Variants in SDK1 observed in about 807,000 individuals in gnomAD.
The protein encoded by SDK1 is sidekick cell adhesion molecule 1, also known as protein sidekick-1.
A neutral mutation model predicts 245.5 loss-of-function variants in SDK1; 157 were observed. That is an observed-to-expected ratio of 0.64 (90% CI 0.56 to 0.73). The LOEUF is 0.73. SDK1 is among the 30% of genes least tolerant of loss of function. The pLI is 0.00. For synonymous variants in SDK1, 1,647 were observed against 1,278.5 expected, an observed-to-expected ratio of 1.29 and a Z score of -6.15; for missense variants, 3,583 against 3,002.3, an observed-to-expected ratio of 1.19 and a Z score of -4.52.
At chr7:3,815,666 T>C (rs1250630990) in intron 4 of SDK1, among the ~76,000 whole-genome samples, 1 of 151,800 alleles carries the variant, frequency 6.6e-6, no homozygotes, top group Admixed American at 6.6e-5. Context: ...TTTCTATTGA[T>C]TGGAATAGTT....
intron 4 of SDK1, among the ~76,000 whole-genome samples, chr7:3,718,381 C>A (rs1324741588): frequency 1.3e-5 from 2 of 151,582 alleles, no homozygotes; most frequent in African/African-American, 4.9e-5. Context: ...GTGCCAGGTG[C>A]CTGTAGTTCC....
intron 1 of SDK1, among the ~76,000 whole-genome samples, chr7:3,618,541 C>T (rs1400260032): frequency 4.6e-5 from 7 of 152,178 alleles, no homozygotes; most frequent in Non-Finnish European, 8.8e-5. Flanking sequence ...TGTGAATATA[C>T]CATGAGTTTC....
chr7:3,757,717 C>T (rs1242561697), intron 4 of SDK1, among the ~76,000 whole-genome samples: 2 of 152,172 alleles, frequency 1.3e-5, no homozygotes, highest in African/African-American at 4.8e-5. Flanking sequence ...GAGGCTCTTC[C>T]AACCCCATTG....
intron 5 of SDK1, among the ~76,000 whole-genome samples, chr7:3,825,414 A>T (rs1779747691): frequency 6.6e-6 from 1 of 152,032 alleles, no homozygotes; most frequent in Non-Finnish European, 1.5e-5. Flanking sequence ...CATGCCTTAG[A>T]CATACCATCA....
chr7:4,080,479 A>C (rs1231332967), intron 22 of SDK1, among the ~76,000 whole-genome samples: 1 of 152,204 alleles, frequency 6.6e-6, no homozygotes, highest in African/African-American at 2.4e-5. Context: ...TACTTATGCT[A>C]TACTGCAAGA....
intron 5 of SDK1, among the ~76,000 whole-genome samples, chr7:3,947,351 C>T (rs1250526055): frequency 6.6e-6 from 1 of 152,168 alleles, no homozygotes; most frequent in Non-Finnish European, 1.5e-5. Flanking sequence ...ACAATTACAT[C>T]TGGCATTTTA....
At chr7:4,118,606 T>TGGCTCACTGCAACCTCTGCCTC (rs1554347672) in intron 25 of SDK1, among the ~76,000 whole-genome samples, 4 of 150,650 alleles carry the variant, frequency 2.7e-5, no homozygotes, top group South Asian at 2.1e-4. Flanking sequence ...AAAACATATG[T>TGGCTCACTGCAACCTCTGCCTC]CTACACAAAA....
chr7:3,803,978 A>T lies in SDK1; in HGVS notation c.714-17472A>T, dbSNP rs537986913. On this transcript the variant is annotated intron_variant, in intron 4 of 44. Transcript: ENST00000404826. ...ACGGGGTTTCACCATGTTAGCCAGGATGGTCTCGATCTCCTGACCTCGTGA... is the reference window on the plus strand; with the variant it reads ...ACGGGGTTTCACCATGTTAGCCAGGTTGGTCTCGATCTCCTGACCTCGTGA... 3.3e-5 allele frequency among the ~76,000 whole-genome samples: 5 copies of T among 152,050 alleles called. No individual in the cohort carries two copies. The East Asian group carries it at 9.7e-4, about 30-fold the overall frequency.
intron 5 of SDK1, among the ~76,000 whole-genome samples, chr7:3,824,313 T>C (rs139072487): frequency 6.6e-6 from 1 of 152,334 alleles, no homozygotes; most frequent in African/African-American, 2.4e-5. Flanking sequence ...TTGTAAAAAC[T>C]TTCTGGCCAG....
chr7:3,625,410 C>T (rs573378722), intron 2 of SDK1, among the ~76,000 whole-genome samples: 8 of 152,170 alleles, frequency 5.3e-5, no homozygotes, highest in Admixed American at 3.3e-4. Flanking sequence ...AGTTCTGTCT[C>T]TAATAACTTG....
intron 40 of SDK1, among the ~76,000 whole-genome samples, chr7:4,230,668 G>A (rs771483607): frequency 4.6e-5 from 7 of 152,000 alleles, no homozygotes; most frequent in African/African-American, 1.7e-4. Flanking sequence ...TAGCTGGAGG[G>A]AAGGAAGGAA....
At chr7:3,672,632 A>T (rs1346017096) in intron 4 of SDK1, among the ~76,000 whole-genome samples, 2 of 141,112 alleles carry the variant, frequency 1.4e-5, no homozygotes, top group African/African-American at 5.2e-5. Context: ...ATAATAATAT[A>T]TATTAAATAT....
At chr7:3,500,399 C>G (rs549621804) in intron 1 of SDK1, among the ~76,000 whole-genome samples, 1 of 152,208 alleles carries the variant, frequency 6.6e-6, no homozygotes, top group Admixed American at 6.5e-5. Flanking sequence ...TTTCTACCCT[C>G]TTTCTTAGAT....
rs971324787 is a variant in SDK1 at position 3,641,925 on chromosome 7, C to G, written c.566-33C>G. ...CCCTTCCCTCCCCCAAAAATGTTTT[C>G]TAGAACTTGAAAGCACTTCTTTTTC... On this transcript the variant is annotated intron_variant, in intron 3 of 44. Transcript: ENST00000404826. The G allele has an allele frequency of 2.5e-6, 4 of 1,593,152 alleles. No individual in the cohort carries two copies. The South Asian group carries it at 3.4e-5, about 14-fold the overall frequency.
intron 31 of SDK1, 64 bp downstream of exon 31, chr7:4,158,615 C>A: frequency 8.1e-7 from 1 of 1,234,978 alleles, no homozygotes; most frequent in Non-Finnish European, 1.2e-6. Flanking sequence ...GATACTTAGG[C>A]CACACTTTCG....
chr7:4,248,577 T>C (rs1296742638), intron 44 of SDK1, among the ~76,000 whole-genome samples: 1 of 151,852 alleles, frequency 6.6e-6, no homozygotes, highest in Admixed American at 6.6e-5. Context: ...CCTGAATACA[T>C]GCACACACAT....
At chr7:4,240,593 G>A (rs1264546434) in intron 42 of SDK1, among the ~76,000 whole-genome samples, 3 of 152,186 alleles carry the variant, frequency 2.0e-5, no homozygotes, top group African/African-American at 4.8e-5. Flanking sequence ...GCAGAGAGGA[G>A]CCTCTTGGGG....
At chr7:3,467,016 A>ACACT (rs1378781273) in intron 1 of SDK1, among the ~76,000 whole-genome samples, 1 of 150,848 alleles carries the variant, frequency 6.6e-6, no homozygotes, top group African/African-American at 2.5e-5. Flanking sequence ...ACACACACAC[A>ACACT]CACACACACA....
intron 4 of SDK1, among the ~76,000 whole-genome samples, chr7:3,720,516 A>G (rs1455765324): frequency 6.6e-6 from 1 of 152,238 alleles, no homozygotes; most frequent in Non-Finnish European, 1.5e-5. Flanking sequence ...TATAAACTGA[A>G]ACCACAAGGA....
Sources: allele counts gnomAD v4.1 joint callset (sites outside exome capture counted in the v4.1 genomes callset), GRCh38; gene constraint gnomAD v4.1.1; transcripts MANE v1.5; gene names NCBI Gene and HGNC (gene_info 2026-07-23, HGNC 2026-07-21).